Variants in COPZ2 observed in about 807,000 individuals in gnomAD.
COPZ2 encodes the protein coat protein complex I subunit zeta 2, also known as coatomer subunit zeta-2.
COPZ2 carries 30 observed loss-of-function variants against 33.2 expected under a neutral mutation model. That is an observed-to-expected ratio of 0.90 (90% CI 0.68 to 1.23). The LOEUF is 1.23. Ranked by LOEUF, COPZ2 falls within the 50% of genes most tolerant of loss-of-function variation. The pLI is 0.00. For missense variants in COPZ2, 263 were observed against 262.4 expected (o/e 1.00, Z -0.02); for synonymous variants, 89 against 102.6 (o/e 0.87, Z 0.80).
chr17:48,035,783 C>T (rs1252533268), intron 2 of COPZ2, among the ~76,000 whole-genome samples: 5 of 131,954 alleles, frequency 3.8e-5, no homozygotes, highest in East Asian at 4.5e-4. Context: ...GACAGAGTTT[C>T]GCTCTTGTTG....
In COPZ2 at chr17:48,026,236, A is replaced by G; in HGVS notation, c.*192T>C. On this transcript the variant is annotated 3_prime_UTR_variant, in exon 9 of 9. Transcript: ENST00000621465. ...AATGCCTAAGATATGAGTTAAGGCCAGGGCCGTGAGAAAAGGTGACTCTCC... is the reference window on the plus strand; with the variant it reads ...AATGCCTAAGATATGAGTTAAGGCCGGGGCCGTGAGAAAAGGTGACTCTCC... 1 of 591,524 alleles carries G rather than the reference A, an allele frequency of 1.7e-6. No individual in the cohort carries two copies. The highest frequency in any genetic ancestry group is 2.1e-5 in the South Asian group (1 of 47,454). The allele number at this position is 591,524 out of a possible 1,614,324, so 36.6% of individuals were successfully genotyped here.
At chr17:48,031,316 G>A (rs1455014658) in intron 6 of COPZ2, among the ~76,000 whole-genome samples, 2 of 151,978 alleles carry the variant, frequency 1.3e-5, no homozygotes, top group Admixed American at 6.6e-5. Flanking sequence ...GCTTGGTGTG[G>A]TGGTGGGTGC....
intron 2 of COPZ2, 96 bp from the exon 3 acceptor site, chr17:48,034,040 G>A: frequency 1.2e-6 from 1 of 812,628 alleles, no homozygotes; most frequent in Non-Finnish European, 2.1e-6. Context: ...TGGGCAAGCG[G>A]GATCCTGCTT....
Position 48,032,247 on chromosome 17 carries a change from C to T in COPZ2, c.417-14G>A. 1 of 1,608,946 alleles carries T rather than the reference C, an allele frequency of 6.2e-7. No individual in the cohort carries two copies. The highest frequency in any genetic ancestry group is 8.5e-7 in the Non-Finnish European group (1 of 1,177,658). ...TCCACGTTCTTCCTGAAGGTGGACA[C>T]AAGCTCCTGAGCCTCCCTGTGGCTG... On this transcript the variant is annotated splice_polypyrimidine_tract_variant and intron_variant, in intron 5 of 8. Transcript: ENST00000621465.
Position 48,032,334 on chromosome 17 carries a change from C to T in COPZ2, c.417-101G>A. 3.1e-6 allele frequency: 3 copies of T among 972,290 alleles called. No individual in the cohort carries two copies. The South Asian group carries it at 4.2e-5, about 13-fold the overall frequency. The allele number at this position is 972,290 out of a possible 1,614,324, so 60.2% of individuals were successfully genotyped here. A position where few individuals can be genotyped will look rare whatever the true frequency, so the allele number is the denominator to read the frequency against. On this transcript the variant is annotated intron_variant, in intron 5 of 8. Transcript: ENST00000621465. ...CACTCTCCAAAGACTGCCTCATTCACCCCTCACCAAACAAGGACTGGGAAG... is the reference window on the plus strand; with the variant it reads ...CACTCTCCAAAGACTGCCTCATTCATCCCTCACCAAACAAGGACTGGGAAG...
At chr17:48,029,067 T>C (rs2036855018) in intron 7 of COPZ2, 58 bp downstream of exon 7, 2 of 1,490,152 alleles carry the variant, frequency 1.3e-6, no homozygotes, top group African/African-American at 2.8e-5. Flanking sequence ...AGCAGCCCTA[T>C]TCCCAGGGAG....
chr17:48,032,886 G>A, intron 4 of COPZ2, 145 bp from the exon 5 acceptor site: 2 of 661,404 alleles, frequency 3.0e-6, no homozygotes, highest in Non-Finnish European at 2.7e-6. Flanking sequence ...ACATTAGAGG[G>A]AACTTCCATG....
chr17:48,033,585 A>G (rs537987551), intron 3 of COPZ2, among the ~76,000 whole-genome samples: 1 of 152,322 alleles, frequency 6.6e-6, no homozygotes, highest in Admixed American at 6.5e-5. Flanking sequence ...CCTTGGGACC[A>G]GATCCAGGTT....
At chr17:48,035,407 A>G (rs2036963954) in intron 2 of COPZ2, among the ~76,000 whole-genome samples, 1 of 152,190 alleles carries the variant, frequency 6.6e-6, no homozygotes, top group East Asian at 1.9e-4. Flanking sequence ...CAGAAAATCT[A>G]TTTTTTGGGA....
chr17:48,032,365 T>C, intron 5 of COPZ2, 132 bp from the exon 6 acceptor site: 1 of 804,488 alleles, frequency 1.2e-6, no homozygotes, highest in Non-Finnish European at 2.1e-6. Flanking sequence ...GGAAGGAGAA[T>C]GTGAAGGGCA....
At position 48,037,402 on chromosome 17, in the gene COPZ2, C is replaced by A. The variant is rs919850813; in HGVS notation, c.111+265G>T. 6.6e-6 allele frequency among the ~76,000 whole-genome samples: 1 copy of A among 152,174 alleles called. No homozygotes were observed. Among genetic ancestry groups the A allele is most frequent in the Non-Finnish European group, 1.5e-5 (1 of 68,020 alleles). On this transcript the variant is annotated intron_variant, in intron 1 of 8. Transcript: ENST00000621465. The surrounding 1 kb of genome is among the most constrained non-coding windows in gnomAD (Gnocchi z 5.6). ...CTGGGACGGACAGGCCACTCCTTAC[C>A]CTCCCCGCGGAATCGCAACTCACCC...
chr17:48,037,863 T>A, upstream of COPZ2: 8 of 941,204 alleles, frequency 8.5e-6, no homozygotes, highest in South Asian at 3.9e-4. The surrounding 1 kb of genome is among the most constrained non-coding windows in gnomAD (Gnocchi z 5.6). Flanking sequence ...CGGCCCCCTC[T>A]CGCGCGTGGC....
chr17:48,040,141 C>CAA (rs988670708), upstream of COPZ2, among the ~76,000 whole-genome samples: 3 of 145,732 alleles, frequency 2.1e-5, no homozygotes, highest in African/African-American at 7.6e-5. Flanking sequence ...CACCCACACA[C>CAA]ACACACACAC....
upstream of COPZ2, among the ~76,000 whole-genome samples, chr17:48,038,523 G>A (rs1161535801): frequency 6.6e-6 from 1 of 152,188 alleles, no homozygotes; most frequent in African/African-American, 2.4e-5. Flanking sequence ...TTAGTGCTAC[G>A]TATGCATTTA....
At chr17:48,039,912 G>C (rs1447164914), upstream of COPZ2, among the ~76,000 whole-genome samples, 3 of 152,104 alleles carry the variant, frequency 2.0e-5, no homozygotes, top group Admixed American at 1.3e-4. Context: ...ACGAGGTCAG[G>C]AGTTTGAGAC....
At chr17:48,036,757 C>T (rs2036988910) in intron 2 of COPZ2, 94 bp downstream of exon 2, 2 of 1,225,856 alleles carry the variant, frequency 1.6e-6, no homozygotes, top group Middle Eastern at 1.9e-4. Flanking sequence ...AGCTGAGCTG[C>T]CCTGAGTCAC....
chr17:48,026,616 T>C, intron 8 of COPZ2, 141 bp from the exon 9 acceptor site: 1 of 645,568 alleles, frequency 1.5e-6, no homozygotes, highest in Non-Finnish European at 2.8e-6. Flanking sequence ...TGTCTCCACT[T>C]GGCTTAAACG....
At chr17:48,032,022 T>A in intron 6 of COPZ2, 134 bp downstream of exon 6, 1 of 715,864 alleles carries the variant, frequency 1.4e-6, no homozygotes, top group South Asian at 1.6e-5. Context: ...GCTAGGGGAA[T>A]GGGATCCCTG....
chr17:48,042,494 C>G (rs188871386), upstream of COPZ2, among the ~76,000 whole-genome samples: 2 of 149,918 alleles, frequency 1.3e-5, no homozygotes, highest in Admixed American at 1.3e-4. Flanking sequence ...TGGAGTCTCA[C>G]TCTGTCGCCC....
Sources: gnomAD v4.1 joint callset for allele counts (sites outside exome capture counted in the v4.1 genomes callset) on GRCh38, gnomAD v4.1.1 for gene constraint, Gnocchi (gnomAD v3.1) non-coding constraint, MANE v1.5 for transcripts, NCBI Gene and HGNC (gene_info 2026-07-23, HGNC 2026-07-21) for gene names.